The following LRRC4C variants were observed in gnomAD, a reference collection of about 807,000 sequenced individuals.
The protein encoded by LRRC4C is leucine-rich repeat-containing protein 4C.
LRRC4C carries 5 observed loss-of-function variants against 33.6 expected under a neutral mutation model. The ratio of observed to expected loss-of-function variants is 0.15; its 90% CI spans 0.08 to 0.31. The LOEUF (loss-of-function observed/expected upper bound fraction) is 0.31, where lower values mean the gene tolerates loss of function less well. Among genes scored for constraint, LRRC4C ranks in the 10% least tolerant of loss-of-function variants. LRRC4C has a pLI of 1.00. For synonymous variants in LRRC4C, 329 were observed against 302.0 expected (o/e 1.09, Z -0.93); for missense variants, 560 against 796.7 (o/e 0.70, Z 3.58).
chr11:41,147,795 T>G (rs2135945651), intron 1 of LRRC4C, among the ~76,000 whole-genome samples: 2 of 152,114 alleles, frequency 1.3e-5, no homozygotes, highest in Admixed American at 1.3e-4. Flanking sequence ...CCATAAAAAG[T>G]TGCTCAAGGT....
Position 41,293,303 on chromosome 11 carries a change from G to A in LRRC4C, c.-496+166128C>T, listed in dbSNP as rs559451335. On this transcript the variant is annotated intron_variant, in intron 1 of 6. Coordinates refer to ENST00000528697, the MANE Select transcript of LRRC4C (RefSeq NM_001258419.2). ...GTATTACTATCATAGTAAGATAAAA[G>A]ATAATGTTCTATAGTAATTACTGAA... Among the ~76,000 whole-genome samples, 408 of 152,148 alleles carry A rather than the reference G, an allele frequency of 2.7e-3. 2 individuals carry two copies. Among genetic ancestry groups the A allele is most frequent in the African/African-American group, 9.1e-3 (377 of 41,542 alleles).
At chr11:40,131,034 G>A (rs1856612560) in intron 6 of LRRC4C, among the ~76,000 whole-genome samples, 1 of 152,118 alleles carries the variant, frequency 6.6e-6, no homozygotes, top group African/African-American at 2.4e-5. Flanking sequence ...ACGTTTGCAT[G>A]TAAATGTTTG....
At chr11:40,378,422 G>A (rs933125457) in intron 3 of LRRC4C, among the ~76,000 whole-genome samples, 1 of 151,780 alleles carries the variant, frequency 6.6e-6, no homozygotes, top group Non-Finnish European at 1.5e-5. Context: ...TTGCTTTGTA[G>A]GCATATTAGA....
chr11:41,279,428 A>ACACACCCCCCCC (rs58139193), intron 1 of LRRC4C, among the ~76,000 whole-genome samples: 15 of 140,786 alleles, frequency 1.1e-4, no homozygotes, highest in Non-Finnish European at 3.1e-5. Context: ...ACACACACAC[A>ACACACCCCCCCC]CCGTGGCAAT....
chr11:40,378,180 C>T (rs1430993214), intron 3 of LRRC4C, among the ~76,000 whole-genome samples: 1 of 151,978 alleles, frequency 6.6e-6, no homozygotes, highest in Non-Finnish European at 1.5e-5. Flanking sequence ...AAATTCAGAT[C>T]ATACACCAAG....
chr11:40,911,550 C>G (rs1422635294), intron 2 of LRRC4C, among the ~76,000 whole-genome samples: 1 of 152,140 alleles, frequency 6.6e-6, no homozygotes, highest in Non-Finnish European at 1.5e-5. Context: ...ATCTGTACAT[C>G]ACCATCATCA....
At chr11:41,037,023 AT>A (rs35837565) in intron 1 of LRRC4C, among the ~76,000 whole-genome samples, 95,380 of 151,924 alleles carry the variant, frequency 0.63, 30,227 homozygotes, top group South Asian at 0.72. Context: ...GTGGTACCCA[AT>A]TAAACAATGC....
chr11:40,680,591 AG>A (rs963873669), intron 2 of LRRC4C, among the ~76,000 whole-genome samples: 2 of 152,190 alleles, frequency 1.3e-5, no homozygotes, highest in Non-Finnish European at 2.9e-5. Flanking sequence ...TGGTGTTAAA[AG>A]CATGAGTTTC....
rs1452986087 is a variant in LRRC4C, at chr11:40,317,334, A to ATT, written c.-176+2293_-176+2294insAA. Among the ~76,000 whole-genome samples the ATT allele has an allele frequency of 3.3e-5, 5 of 152,064 alleles. No individual in the cohort carries two copies. In the East Asian group the frequency reaches 9.7e-4, roughly 29 times the overall value. ...GATTATTCCTCATTCTTGTTTCATC[A>ATT]CAGTATTTTAATTTTCTAGGGTTAG... On this transcript the variant is annotated intron_variant, in intron 4 of 6. Transcript: ENST00000528697.
At chr11:41,389,504 T>G (rs764338081) in intron 1 of LRRC4C, among the ~76,000 whole-genome samples, 26 of 151,810 alleles carry the variant, frequency 1.7e-4, no homozygotes, top group Non-Finnish European at 3.2e-4. Context: ...ATGAGGTCAC[T>G]GGGTGCTTGA....
intron 1 of LRRC4C, among the ~76,000 whole-genome samples, chr11:41,178,649 G>A (rs1945311169): frequency 6.6e-6 from 1 of 152,148 alleles, no homozygotes; most frequent in African/African-American, 2.4e-5. Flanking sequence ...GAACCACGTT[G>A]CCTAGCCCCA....
At chr11:41,431,843 G>A (rs1385018117) in intron 1 of LRRC4C, among the ~76,000 whole-genome samples, 4 of 152,094 alleles carry the variant, frequency 2.6e-5, no homozygotes, top group Non-Finnish European at 4.4e-5. Flanking sequence ...AGGTATATGC[G>A]ATTTAGGGAT....
chr11:40,236,856 C>A (rs751651184), intron 5 of LRRC4C, among the ~76,000 whole-genome samples: 2 of 152,020 alleles, frequency 1.3e-5, no homozygotes, highest in African/African-American at 2.4e-5. Flanking sequence ...ATTATCACAG[C>A]GGAGTTCAGA....
intron 3 of LRRC4C, among the ~76,000 whole-genome samples, chr11:40,347,561 G>A (rs1358412431): frequency 1.3e-5 from 2 of 152,064 alleles, no homozygotes; most frequent in South Asian, 2.1e-4. Flanking sequence ...TCTAGCTTTC[G>A]ATTTAATGTG....
chr11:41,302,011 T>A (rs1052377416), intron 1 of LRRC4C, among the ~76,000 whole-genome samples: 1 of 152,234 alleles, frequency 6.6e-6, no homozygotes, highest in Non-Finnish European at 1.5e-5. Flanking sequence ...TTACTCCTAA[T>A]AATTTCAGAA....
chr11:40,746,288 T>A (rs969786532), intron 2 of LRRC4C, among the ~76,000 whole-genome samples: 2 of 152,096 alleles, frequency 1.3e-5, no homozygotes, highest in Admixed American at 1.3e-4. Context: ...CCCTGGTTCC[T>A]ACACTAGACA....
chr11:41,006,861 T>G (rs1297972231), intron 1 of LRRC4C, among the ~76,000 whole-genome samples: 1 of 152,138 alleles, frequency 6.6e-6, no homozygotes, highest in East Asian at 1.9e-4. Flanking sequence ...ACATCCAGAA[T>G]AGTGTTTTTA....
At chr11:40,253,258 T>C (rs1010188665) in intron 4 of LRRC4C, among the ~76,000 whole-genome samples, 8 of 152,336 alleles carry the variant, frequency 5.3e-5, no homozygotes, top group African/African-American at 1.9e-4. Flanking sequence ...TTGAAGTATG[T>C]TTGACTTTAC....
intron 2 of LRRC4C, among the ~76,000 whole-genome samples, chr11:40,789,168 G>A (rs1468690017): frequency 6.7e-6 from 1 of 150,044 alleles, no homozygotes; most frequent in Non-Finnish European, 1.5e-5. Flanking sequence ...AAAATGAAAG[G>A]AATCAAGTTT....
Sources: allele counts gnomAD v4.1 joint callset (sites outside exome capture counted in the v4.1 genomes callset), GRCh38; gene constraint gnomAD v4.1.1; transcripts MANE v1.5; gene names NCBI Gene and HGNC (gene_info 2026-07-23, HGNC 2026-07-21).